VWF: variants seen among roughly 807,000 people sequenced by gnomAD.
VWF encodes the protein von Willebrand factor.
VWF carries 176 observed loss-of-function variants against 308.6 expected under a neutral mutation model. That is an observed-to-expected ratio of 0.57 (90% confidence interval 0.50 to 0.65). VWF has a LOEUF of 0.65. Among genes scored for constraint, VWF ranks in the 30% least tolerant of loss-of-function variants. The probability of loss-of-function intolerance (pLI) is 0.00; values close to 1 mark genes in which losing one functional copy is unlikely to be tolerated. For synonymous variants in VWF, 1,385 were observed against 1,443.4 expected (o/e 0.96, Z 0.92); for missense variants, 3,146 against 3,648.2 (o/e 0.86, Z 3.55).
intron 42 of VWF, among the ~76,000 whole-genome samples, chr12:5,980,236 G>T (rs1943589978): frequency 1.4e-5 from 1 of 71,702 alleles, no homozygotes; most frequent in Admixed American, 1.4e-4. Flanking sequence ...GGGAGGGAGG[G>T]AGGGAAGGAA....
intron 38 of VWF, among the ~76,000 whole-genome samples, chr12:5,986,245 C>G (rs533512203): frequency 6.5e-4 from 99 of 152,288 alleles, no homozygotes; most frequent in African/African-American, 2.3e-3. Flanking sequence ...CTCCTGAACT[C>G]TAACAAAGGC....
chr12:6,056,895 C>A lies in VWF; in HGVS notation c.1907G>T (p.Arg636Ile). The A allele has an allele frequency of 6.6e-7, 1 of 1,520,030 alleles. No individual in the cohort carries two copies. Among genetic ancestry groups the A allele is most frequent in the Non-Finnish European group, 8.8e-7 (1 of 1,140,656 alleles). The allele number at this position is 1,520,030 out of a possible 1,614,324, so 94.2% of individuals were successfully genotyped here. ...CTCGCGCCACGCGACGCGCACGCCTCTCCCCGCGCAGGCCGCGGCATAGCT... is the reference window on the plus strand; with the variant it reads ...CTCGCGCCACGCGACGCGCACGCCTATCCCCGCGCAGGCCGCGGCATAGCT... ...LASYAAACAG[R>I]GVRVAWREPG... Residue 636 changes from arginine (R) to isoleucine (I), a missense_variant, in exon 15 of 52, where the codon AGA becomes ATA. Physicochemically the swap from Arg to Ile is moderately conservative, Grantham distance 97. Around this residue, in one of 3 missense-constraint regions of VWF, gnomAD observed 1,304 missense variants for 1,353.0 expected, o/e 0.96. Coordinates refer to ENST00000261405, the MANE Select transcript of VWF (RefSeq NM_000552.5).
At chr12:6,041,859 G>T (rs772782263) in intron 18 of VWF, among the ~76,000 whole-genome samples, 1 of 152,186 alleles carries the variant, frequency 6.6e-6, no homozygotes, top group Non-Finnish European at 1.5e-5. Context: ...ACAGCAGGCT[G>T]GAAATCTAAG....
rs537056774 is a variant in VWF, at chr12:6,060,176, A to G, written c.1534-2132T>C. On this transcript the variant is annotated intron_variant, in intron 13 of 51. Transcript: ENST00000261405. The surrounding 1 kb of genome is among the most constrained non-coding windows in gnomAD (Gnocchi z 5.1). ...CACTATTTGAAATAAACCTCTGGTC[A>G]GTGACAGTTCTGACTAAATGAAGCC... Among the ~76,000 whole-genome samples, 1 of 152,256 alleles carries G rather than the reference A, an allele frequency of 6.6e-6. No homozygotes were observed. The highest frequency in any genetic ancestry group is 1.9e-4 in the East Asian group (1 of 5,168).
chr12:6,071,851 C>A (rs913154707), intron 9 of VWF, among the ~76,000 whole-genome samples: 1 of 152,190 alleles, frequency 6.6e-6, no homozygotes, highest in Admixed American at 6.5e-5. Flanking sequence ...AGGTGACATC[C>A]AGGGGTGCTT....
intron 47 of VWF, among the ~76,000 whole-genome samples, chr12:5,964,849 A>AG (rs756795652): frequency 6.6e-6 from 1 of 152,208 alleles, no homozygotes; most frequent in Non-Finnish European, 1.5e-5. Context: ...ATTTGGAAGA[A>AG]AAGGGAAAGG....
chr12:6,031,949 AACTGGG>A, intron 20 of VWF, among the ~76,000 whole-genome samples: 1 of 152,338 alleles, frequency 6.6e-6, no homozygotes, highest in East Asian at 1.9e-4. Flanking sequence ...CCACCCAGGT[AACTGGG>A]ACAGTTTGAC....
At chr12:6,098,885 G>C (rs1945132308) in intron 5 of VWF, among the ~76,000 whole-genome samples, 1 of 152,080 alleles carries the variant, frequency 6.6e-6, no homozygotes, top group African/African-American at 2.4e-5. Context: ...TGGCAATCTT[G>C]CCAACGAAGG....
At chr12:5,983,039 G>C in intron 41 of VWF, 111 bp downstream of exon 41, 2 of 1,116,762 alleles carry the variant, frequency 1.8e-6, no homozygotes, top group African/African-American at 1.6e-5. Flanking sequence ...GATTCAGCTA[G>C]GTAGAAAACA....
chr12:5,996,576 T>C (rs1277452837), intron 34 of VWF, among the ~76,000 whole-genome samples: 1 of 152,146 alleles, frequency 6.6e-6, no homozygotes, highest in Non-Finnish European at 1.5e-5. Flanking sequence ...AGGGGTGTTA[T>C]GACTCGTGGA....
chr12:6,021,914 C>G lies in VWF; in HGVS notation c.3660G>C (p.Glu1220Asp). 6.2e-7 allele frequency: 1 copy of G among 1,614,198 alleles called. No homozygotes were observed. Residue 1220 changes from glutamate (E) to aspartate (D), a missense_variant, in exon 27 of 52, where the codon GAG (glutamate) becomes GAC (aspartate). Transcript: ENST00000261405. ...ATCTGTTTTACCAAATCTGGCAGTGCTCAGGGTCACTGGGATTCAAGGTGA... is the reference window on the plus strand; with the variant it reads ...ATCTGTTTTACCAAATCTGGCAGTGGTCAGGGTCACTGGGATTCAAGGTGA... ...KKVTLNPSDPEHCQICHCDVV... is the reference protein window; with the variant it reads ...KKVTLNPSDPDHCQICHCDVV...
intron 34 of VWF, among the ~76,000 whole-genome samples, chr12:6,007,813 A>G (rs1943946364): frequency 6.6e-6 from 1 of 152,330 alleles, no homozygotes; most frequent in East Asian, 1.9e-4. Context: ...AGATTAACCA[A>G]GACAAAAAGA....
At position 6,056,967 on chromosome 12, in the gene VWF, A is replaced by C. The variant is rs1944586412; in HGVS notation, c.1835T>G (p.Val612Gly). The change falls in exon 15 of 52, where the codon GTG (valine) becomes GGG (glycine). Residue 612 changes from valine (V) to glycine (G), a missense_variant. Transcript: ENST00000261405. ...LPYLRNCRYD[V>G]CSCSDGRECL... ...CTCGCGGCCGTCCGAGCAGGAGCAC[A>C]CGTCGTAGCGGCAGTTCCGCAGGTA... The C allele has an allele frequency of 1.3e-6, 2 of 1,541,314 alleles. No homozygotes were observed. The highest frequency in any genetic ancestry group is 2.4e-5 in the South Asian group (2 of 84,188).
intron 16 of VWF, among the ~76,000 whole-genome samples, chr12:6,052,069 G>C (rs2136448894): frequency 6.6e-6 from 1 of 152,338 alleles, no homozygotes; most frequent in Admixed American, 6.5e-5. Flanking sequence ...AAGAGCTGCA[G>C]GAAGCAAGCA....
At chr12:5,975,365 C>T (rs182240503) in intron 43 of VWF, among the ~76,000 whole-genome samples, 1 of 152,204 alleles carries the variant, frequency 6.6e-6, no homozygotes, top group African/African-American at 2.4e-5. Context: ...TAATAATAAT[C>T]GCATTAAACC....
chr12:5,960,045 G>T lies in VWF; in HGVS notation c.7888-6451C>A, dbSNP rs375269691. Among the ~76,000 whole-genome samples the T allele has an allele frequency of 1.4e-4, 21 of 147,464 alleles. No individual in the cohort carries two copies. In the South Asian group the frequency reaches 3.2e-3, roughly 22 times the overall value. On this transcript the variant is annotated intron_variant, in intron 47 of 51. Transcript: ENST00000261405. ...AAAGGCAAAAGTTGGATCTTTGAAAGATTAATAATATAATAATATATAATA... is the reference window on the plus strand; with the variant it reads ...AAAGGCAAAAGTTGGATCTTTGAAATATTAATAATATAATAATATATAATA...
At chr12:6,053,440 G>A (rs977138019) in intron 15 of VWF, among the ~76,000 whole-genome samples, 7 of 152,166 alleles carry the variant, frequency 4.6e-5, no homozygotes, top group African/African-American at 1.4e-4. Context: ...TTACTCTCTA[G>A]AAAGAAAACA....
At chr12:5,964,407 T>C (rs1943374163) in intron 47 of VWF, among the ~76,000 whole-genome samples, 1 of 152,216 alleles carries the variant, frequency 6.6e-6, no homozygotes, top group Non-Finnish European at 1.5e-5. Context: ...TCCACCTTCG[T>C]ACCCCCAAAA....
chr12:5,989,679 A>T (rs1472208848), intron 38 of VWF, among the ~76,000 whole-genome samples: 3 of 152,212 alleles, frequency 2.0e-5, no homozygotes, highest in Admixed American at 6.5e-5. Context: ...GAAAGGGGAA[A>T]ATAGCACCAG....
Sources: allele counts gnomAD v4.1 joint callset (sites outside exome capture counted in the v4.1 genomes callset), GRCh38; gene constraint gnomAD v4.1.1; regional missense constraint gnomAD v4.1.1; non-coding constraint Gnocchi (gnomAD v3.1); transcripts MANE v1.5; gene names NCBI Gene and HGNC (gene_info 2026-07-23, HGNC 2026-07-21).